Variants in BRAP observed in about 807,000 individuals in gnomAD.
BRAP encodes BRCA1 associated protein.
BRAP carries 42 observed loss-of-function variants against 73.4 expected under a neutral mutation model. The ratio of observed to expected loss-of-function variants is 0.57; its 90% CI spans 0.45 to 0.74. BRAP has a LOEUF of 0.74. BRAP is among the 30% of genes least tolerant of loss of function. The pLI, the probability that BRAP is intolerant of heterozygous loss-of-function variation, is 0.00. For missense variants in BRAP, 593 were observed against 751.4 expected, an observed-to-expected ratio of 0.79 and a Z score of 2.46; for synonymous variants, 255 against 267.4, an observed-to-expected ratio of 0.95 and a Z score of 0.45.
chr12:111,658,790 A>G lies in BRAP; in HGVS notation c.1167T>C (p.Tyr389=), dbSNP rs753986325. The G allele has an allele frequency of 1.9e-6, 3 of 1,612,960 alleles. No homozygotes were observed. Among genetic ancestry groups the G allele is most frequent in the Non-Finnish European group, 2.5e-6 (3 of 1,179,176 alleles). The change falls in exon 9 of 12, where the codon TAT becomes TAC. Residue 389 remains tyrosine, a synonymous_variant. Coordinates refer to ENST00000419234, the MANE Select transcript of BRAP (RefSeq NM_006768.5). ...ASKTDGKIVQ[Y]ECEGDTCQEE... is the part of the protein sequence containing the mutation. ...CCTGGCAAGTATCCCCCTCACATTC[A>G]TACTGTACTATTTTTCCATCTGTTT... is the stretch of plus-strand genomic sequence containing the variant.
At position 111,644,235 on chromosome 12, in the gene BRAP, C is replaced by A; in HGVS notation, c.1743G>T (p.Leu581Phe). The change falls in exon 12 of 12, where the codon TTG becomes TTT. Residue 581 changes from leucine (L) to phenylalanine (F), a missense_variant. Leu to Phe is a conservative substitution (Grantham distance 22). Coordinates refer to ENST00000419234, the MANE Select transcript of BRAP (RefSeq NM_006768.5). ...SPASSGGSGK[L>F]PSRKGRSKRG... is the part of the protein sequence containing the mutation. ...TCTTGCTGCGGCCCTTCCTGGAGGG[C>A]AACTTCCCACTGCCCCCCGAAGAGG... 1.9e-6 allele frequency: 3 copies of A among 1,613,326 alleles called. No homozygotes were observed. Among genetic ancestry groups the A allele is most frequent in the Non-Finnish European group, 2.5e-6 (3 of 1,179,940 alleles).
chr12:111,648,591 C>T (rs916925627), intron 11 of BRAP, among the ~76,000 whole-genome samples: 1 of 140,844 alleles, frequency 7.1e-6, no homozygotes, highest in African/African-American at 2.7e-5. Flanking sequence ...CAGCCTATTG[C>T]GCCACTGCAC....
chr12:111,660,769 TC>T, intron 6 of BRAP, 94 bp from the exon 7 acceptor site: 6 of 897,924 alleles, frequency 6.7e-6, no homozygotes, highest in Non-Finnish European at 1.0e-5. Flanking sequence ...TATATCCTCC[TC>T]CTCTTATATG....
Position 111,672,693 on chromosome 12 carries a change from C to T in BRAP, c.715G>A (p.Val239Met). 2 of 1,614,032 alleles carry T rather than the reference C, an allele frequency of 1.2e-6. No homozygotes were observed. The highest frequency in any genetic ancestry group is 1.7e-6 in the Non-Finnish European group (2 of 1,179,996). Residue 239 changes from valine to methionine, a missense_variant, in exon 5 of 12, where the codon GTG (valine) becomes ATG (methionine). Transcript: ENST00000419234. ...IEDDVCQLVY[V>M]ERAEVLKSED... ...GATTTGAGCACTTCAGCTCTTTCCA[C>T]ATACACTAGCTGGCAAACGTCATCT...
rs754076815 is a variant in BRAP at position 111,679,311 on chromosome 12, C to T, written c.473G>A (p.Arg158Gln). ...GAGAATACACAGCATGGCACTGCGCCGCACATCTTCTTTTAAGGAGGTCAT... is the reference window on the plus strand; with the variant it reads ...GAGAATACACAGCATGGCACTGCGCTGCACATCTTCTTTTAAGGAGGTCAT... Reference protein sequence around the residue: ...NKMTSLKEDVRRSAMLCILTV... With the variant: ...NKMTSLKEDVQRSAMLCILTV... The change falls in exon 4 of 12, where the codon CGG becomes CAG. Residue 158 changes from arginine to glutamine, a missense_variant. Around this residue, in one of 4 missense-constraint regions of BRAP, gnomAD observed 304 missense variants for 337.7 expected, o/e 0.90. Transcript: ENST00000419234. 55 of 1,560,910 alleles carry T rather than the reference C, an allele frequency of 3.5e-5. No individual in the cohort carries two copies. The highest frequency in any genetic ancestry group is 1.3e-4 in the Admixed American group (7 of 54,286).
At position 111,643,042 on chromosome 12, in the gene BRAP, GA is replaced by G. The variant is rs1885959794; in HGVS notation, c.*1156del. The G allele has an allele frequency of 6.6e-6, 1 of 152,142 alleles. No individual in the cohort carries two copies. The highest frequency in any genetic ancestry group is 2.4e-5 in the African/African-American group (1 of 41,426). 9.4% of individuals were successfully genotyped at this position (152,142 alleles called of 1,614,324 possible). On this transcript the variant is annotated 3_prime_UTR_variant, in exon 12 of 12. Coordinates refer to ENST00000419234, the MANE Select transcript of BRAP (RefSeq NM_006768.5). ...CTAACCTATCCCTCTACCTCTTCAA[GA>G]AACTAAATTCCAACACAGGTCTTAT...
intron 5 of BRAP, chr12:111,670,493 T>C (rs1887126023): frequency 4.5e-6 from 1 of 224,318 alleles, no homozygotes; most frequent in Admixed American, 5.4e-5. Flanking sequence ...GTCTACTTAA[T>C]TTTTTAATTT....
At chr12:111,669,540 ATG>A (rs1424852952) in intron 5 of BRAP, among the ~76,000 whole-genome samples, 1 of 151,980 alleles carries the variant, frequency 6.6e-6, no homozygotes, top group African/African-American at 2.4e-5. Context: ...TTCCCTCTTA[ATG>A]TGTTAATAGT....
At chr12:111,672,966 C>G in intron 4 of BRAP, 192 bp from the exon 5 acceptor site, 1 of 521,932 alleles carries the variant, frequency 1.9e-6, no homozygotes. Context: ...AGTCAATATT[C>G]CATGTTTACA....
intron 10 of BRAP, among the ~76,000 whole-genome samples, chr12:111,654,981 G>T (rs893681643): frequency 2.6e-5 from 4 of 152,154 alleles, no homozygotes; most frequent in Admixed American, 1.3e-4. Context: ...AGGGTTCCTT[G>T]CACATACTGG....
In BRAP at chr12:111,650,422, C is replaced by T. The variant is rs142144055; in HGVS notation, c.1312-380G>A. ...CTGGGACTACAGGTGCCTGCCACCA[C>T]GCCCGGCTAATTTTTGTATTTTTAG... On this transcript the variant is annotated intron_variant, in intron 10 of 11. Coordinates refer to ENST00000419234, the MANE Select transcript of BRAP (RefSeq NM_006768.5). Among the ~76,000 whole-genome samples the T allele has an allele frequency of 2.3e-3, 343 of 152,216 alleles. 1 individual carries two copies. Among genetic ancestry groups the T allele is most frequent in the African/African-American group, 1.8e-3 (74 of 41,548 alleles).
intron 10 of BRAP, among the ~76,000 whole-genome samples, chr12:111,652,438 T>C (rs1385049606): frequency 6.6e-6 from 1 of 152,166 alleles, no homozygotes; most frequent in Non-Finnish European, 1.5e-5. Flanking sequence ...TTAGCCAGGA[T>C]GGTCTAGATC....
Position 111,685,704 on chromosome 12 carries a change from G to T in BRAP, c.82+7C>A. The T allele has an allele frequency of 6.2e-7, 1 of 1,602,484 alleles. No homozygotes were observed. Among genetic ancestry groups the T allele is most frequent in the Non-Finnish European group, 8.5e-7 (1 of 1,176,436 alleles). Reference sequence around the variant, plus strand: ...TACAGGGAATGCGGCGAGGCCGCGGGACTCACCCGCGGCGCTGAAGCCGAA... The same window carrying T: ...TACAGGGAATGCGGCGAGGCCGCGGTACTCACCCGCGGCGCTGAAGCCGAA... On this transcript the variant is annotated splice_region_variant and intron_variant, in intron 1 of 11. Coordinates refer to ENST00000419234, the MANE Select transcript of BRAP (RefSeq NM_006768.5).
chr12:111,678,918 A>C (rs1887490000), intron 4 of BRAP, among the ~76,000 whole-genome samples: 1 of 151,772 alleles, frequency 6.6e-6, no homozygotes, highest in Admixed American at 6.6e-5. Flanking sequence ...GGCCAAGAGT[A>C]GCCTGGAAAA....
intron 3 of BRAP, among the ~76,000 whole-genome samples, chr12:111,680,636 G>A (rs1887564012): frequency 6.6e-6 from 1 of 151,896 alleles, no homozygotes; most frequent in Non-Finnish European, 1.5e-5. Context: ...AGGTTGCAGT[G>A]AGCCAGGATT....
chr12:111,644,633 T>C, intron 11 of BRAP, 71 bp from the exon 12 acceptor site: 4 of 1,557,464 alleles, frequency 2.6e-6, no homozygotes, highest in Non-Finnish European at 3.5e-6. Context: ...TGCTCTGGGA[T>C]TGAACAGAGA....
intron 11 of BRAP, among the ~76,000 whole-genome samples, chr12:111,646,277 C>T (rs191920149): frequency 1.3e-5 from 2 of 150,412 alleles, no homozygotes; most frequent in African/African-American, 2.4e-5. Flanking sequence ...CAGAGTAAGA[C>T]CCTGTCTCAA....
At chr12:111,651,981 T>C (rs1423649232) in intron 10 of BRAP, among the ~76,000 whole-genome samples, 2 of 152,142 alleles carry the variant, frequency 1.3e-5, no homozygotes, top group Non-Finnish European at 2.9e-5. Context: ...AAAATCAAAA[T>C]AGATTTAAAA....
At chr12:111,660,433 C>T (rs959171483) in intron 7 of BRAP, among the ~76,000 whole-genome samples, 167 bp downstream of exon 7, 1 of 151,680 alleles carries the variant, frequency 6.6e-6, no homozygotes, top group Non-Finnish European at 1.5e-5. Flanking sequence ...AAGGACCGCT[C>T]GAGGCCAGGA....
Sources: gnomAD v4.1 joint callset for allele counts (sites outside exome capture counted in the v4.1 genomes callset) on GRCh38, gnomAD v4.1.1 for gene constraint, gnomAD v4.1.1 regional missense constraint, MANE v1.5 for transcripts, NCBI Gene and HGNC (gene_info 2026-07-23, HGNC 2026-07-21) for gene names.